The following ROBO1 variants were observed in gnomAD, a reference collection of about 807,000 sequenced individuals.
ROBO1 encodes the protein roundabout guidance receptor 1.
In ROBO1, 149 loss-of-function variants were observed where a neutral mutation model predicts 195.9. That is an observed-to-expected ratio of 0.76 (90% confidence interval 0.67 to 0.87). The LOEUF (loss-of-function observed/expected upper bound fraction) is 0.87, where lower values mean the gene tolerates loss of function less well. Ranked by LOEUF, ROBO1 falls within the 40% of genes least tolerant of loss-of-function variation. ROBO1 has a pLI of 0.00. For missense variants in ROBO1, 1,933 were observed against 2,068.3 expected, an observed-to-expected ratio of 0.93 and a Z score of 1.27; for synonymous variants, 816 against 733.2, an observed-to-expected ratio of 1.11 and a Z score of -1.82.
intron 4 of ROBO1, among the ~76,000 whole-genome samples, chr3:78,790,526 C>T (rs2083985078): frequency 1.3e-5 from 2 of 151,998 alleles, no homozygotes; most frequent in South Asian, 4.1e-4. Flanking sequence ...TATTCAATAC[C>T]ATCACCCTGT....
At chr3:79,307,890 A>G (rs1031960446) in intron 2 of ROBO1, among the ~76,000 whole-genome samples, 2 of 152,136 alleles carry the variant, frequency 1.3e-5, no homozygotes, top group African/African-American at 4.8e-5. Flanking sequence ...GCATTATATA[A>G]TATGTGTTAA....
chr3:78,971,181 C>T (rs1207433464), intron 3 of ROBO1, among the ~76,000 whole-genome samples: 1 of 152,064 alleles, frequency 6.6e-6, no homozygotes, highest in Non-Finnish European at 1.5e-5. Context: ...TGCTTGAGGT[C>T]AGGAGTTTGA....
chr3:79,149,031 C>G (rs993390719), intron 2 of ROBO1, among the ~76,000 whole-genome samples: 3 of 151,850 alleles, frequency 2.0e-5, no homozygotes, highest in Non-Finnish European at 2.9e-5. Flanking sequence ...CAAATGTTCT[C>G]AGCAATCTGT....
At chr3:79,399,797 A>T (rs1265797677) in intron 2 of ROBO1, among the ~76,000 whole-genome samples, 1 of 152,162 alleles carries the variant, frequency 6.6e-6, no homozygotes, top group Non-Finnish European at 1.5e-5. Flanking sequence ...ATATTTTCCC[A>T]CTTGTAGACA....
intron 2 of ROBO1, among the ~76,000 whole-genome samples, chr3:79,153,727 T>C (rs2080811615): frequency 6.8e-6 from 1 of 147,966 alleles, no homozygotes; most frequent in Non-Finnish European, 1.5e-5. Flanking sequence ...TTTGAATATA[T>C]ATTAAATAAT....
At chr3:79,369,653 T>C (rs1409397579) in intron 2 of ROBO1, among the ~76,000 whole-genome samples, 2 of 152,148 alleles carry the variant, frequency 1.3e-5, no homozygotes, top group Non-Finnish European at 1.5e-5. Flanking sequence ...ATCCCTTTAC[T>C]TGCAAATTTT....
chr3:78,867,171 C>A (rs891356264), intron 4 of ROBO1, among the ~76,000 whole-genome samples: 1 of 152,130 alleles, frequency 6.6e-6, no homozygotes, highest in African/African-American at 2.4e-5. Flanking sequence ...GTTTCTTTAC[C>A]GCAAGCCCAA....
chr3:78,796,608 C>T (rs759202346), intron 4 of ROBO1, among the ~76,000 whole-genome samples: 12 of 151,916 alleles, frequency 7.9e-5, no homozygotes, highest in African/African-American at 2.7e-4. Flanking sequence ...CCCCTAATTC[C>T]GTGGTGCCAC....
chr3:79,331,482 A>C (rs2034436023), intron 2 of ROBO1, among the ~76,000 whole-genome samples: 1 of 152,230 alleles, frequency 6.6e-6, no homozygotes, highest in Non-Finnish European at 1.5e-5. Context: ...GTTAATAAAT[A>C]AAAAGTACTT....
intron 1 of ROBO1, among the ~76,000 whole-genome samples, chr3:79,599,499 C>T (rs2107858437): frequency 6.6e-6 from 1 of 151,932 alleles, no homozygotes; most frequent in Middle Eastern, 3.4e-3. Flanking sequence ...AAAAATAAAC[C>T]TAATGTTATA....
chr3:79,603,480 G>A (rs928900895), intron 1 of ROBO1, among the ~76,000 whole-genome samples: 4 of 152,038 alleles, frequency 2.6e-5, no homozygotes, highest in Admixed American at 2.6e-4. Flanking sequence ...CCTCTATCCT[G>A]AGATGTGAGT....
chr3:79,169,210 G>A (rs1262646661), intron 2 of ROBO1, among the ~76,000 whole-genome samples: 1 of 152,098 alleles, frequency 6.6e-6, no homozygotes, highest in Non-Finnish European at 1.5e-5. Flanking sequence ...TCAAGATCTT[G>A]ACATATAATA....
At chr3:78,771,152 G>A (rs2083365333) in intron 4 of ROBO1, among the ~76,000 whole-genome samples, 1 of 152,090 alleles carries the variant, frequency 6.6e-6, no homozygotes, top group Non-Finnish European at 1.5e-5. Context: ...ATTGAATAGG[G>A]AGTTTATTCC....
intron 3 of ROBO1, among the ~76,000 whole-genome samples, chr3:79,083,738 A>C (rs2079317060): frequency 6.6e-6 from 1 of 152,180 alleles, no homozygotes; most frequent in Non-Finnish European, 1.5e-5. Context: ...TCAACTGTGA[A>C]CTGAAGTACT....
At chr3:78,693,347 C>T in intron 8 of ROBO1, 2 of 1,548,616 alleles carry the variant, frequency 1.3e-6, no homozygotes, top group Non-Finnish European at 1.7e-6. Flanking sequence ...TGTCAACTTA[C>T]CAGACCCAAC....
chr3:79,627,692 C>T (rs542432258), intron 1 of ROBO1, among the ~76,000 whole-genome samples: 7 of 152,118 alleles, frequency 4.6e-5, no homozygotes, highest in African/African-American at 1.7e-4. Flanking sequence ...GCAAAAGTAA[C>T]TATCATCAGA....
In ROBO1 at chr3:79,504,772, T is replaced by G. The variant is rs73114818; in HGVS notation, c.88+85052A>C. 5.0e-3 allele frequency among the ~76,000 whole-genome samples: 760 copies of G among 152,268 alleles called. 6 individuals carry two copies. Among genetic ancestry groups the G allele is most frequent in the Non-Finnish European group, 6.1e-3 (418 of 67,994 alleles). On this transcript the variant is annotated intron_variant, in intron 2 of 30. Coordinates refer to ENST00000464233, the MANE Select transcript of ROBO1 (RefSeq NM_002941.4). Reference sequence around the variant, plus strand: ...TTACTGCCTAGTTAACAGGCAGATATCCATAACTGCAACAATTTTACCAGT... The same window carrying G: ...TTACTGCCTAGTTAACAGGCAGATAGCCATAACTGCAACAATTTTACCAGT...
At chr3:79,329,499 A>G (rs539940671) in intron 2 of ROBO1, among the ~76,000 whole-genome samples, 172 of 152,326 alleles carry the variant, frequency 1.1e-3, no homozygotes, top group African/African-American at 3.8e-3. Context: ...GTTTTCTTAT[A>G]AAATAGAAAT....
chr3:79,516,624 ATAT>A (rs533662320), intron 2 of ROBO1, among the ~76,000 whole-genome samples: 11 of 152,302 alleles, frequency 7.2e-5, no homozygotes, highest in East Asian at 1.9e-4. Context: ...TATATTATAC[ATAT>A]TATTATGTAG....
Sources: gnomAD v4.1 joint callset for allele counts (sites outside exome capture counted in the v4.1 genomes callset) on GRCh38, gnomAD v4.1.1 for gene constraint, MANE v1.5 for transcripts, NCBI Gene and HGNC (gene_info 2026-07-23, HGNC 2026-07-21) for gene names.